AKAP13: variants seen among roughly 807,000 people sequenced by gnomAD.
AKAP13 encodes the protein A-kinase anchoring protein 13.
AKAP13 carries 80 observed loss-of-function variants against 264.5 expected under a neutral mutation model. That is an observed-to-expected ratio of 0.30 (90% CI 0.25 to 0.36). The LOEUF (loss-of-function observed/expected upper bound fraction) is 0.36. Ranked by LOEUF, AKAP13 falls within the 10% of genes least tolerant of loss-of-function variation. The pLI is 1.00. For missense variants in AKAP13, 3,712 were observed against 3,435.2 expected (o/e 1.08, Z -2.01); for synonymous variants, 1,380 against 1,250.2 (o/e 1.10, Z -2.19).
intron 2 of AKAP13, among the ~76,000 whole-genome samples, chr15:85,487,498 G>A (rs914674024): frequency 1.3e-5 from 2 of 152,134 alleles, no homozygotes; most frequent in Admixed American, 6.5e-5. Context: ...TGATCTTTCT[G>A]TGTTGAGATG....
intron 2 of AKAP13, among the ~76,000 whole-genome samples, chr15:85,520,857 G>A (rs2076797552): frequency 6.6e-6 from 1 of 152,236 alleles, no homozygotes; most frequent in Non-Finnish European, 1.5e-5. Flanking sequence ...CACAAACTTG[G>A]ATGTTGTAGC....
intron 1 of AKAP13, among the ~76,000 whole-genome samples, chr15:85,398,660 A>G (rs1218108698): frequency 3.3e-5 from 5 of 151,370 alleles, no homozygotes; most frequent in Non-Finnish European, 5.9e-5. Flanking sequence ...GGTTCAAGCA[A>G]CTCTCCTGCC....
chr15:85,607,503 G>A (rs187642093), intron 8 of AKAP13, among the ~76,000 whole-genome samples: 1 of 151,256 alleles, frequency 6.6e-6, no homozygotes, highest in African/African-American at 2.4e-5. Context: ...TCCCCATTTT[G>A]TAGGTGAGAA....
At chr15:85,725,638 C>T (rs1399038127) in intron 26 of AKAP13, among the ~76,000 whole-genome samples, 1 of 152,132 alleles carries the variant, frequency 6.6e-6, no homozygotes, top group Non-Finnish European at 1.5e-5. Context: ...TCCATCCTTT[C>T]CCAGGGAATT....
chr15:85,467,457 CTG>C (rs2074786790), intron 1 of AKAP13, among the ~76,000 whole-genome samples: 1 of 152,234 alleles, frequency 6.6e-6, no homozygotes, highest in Non-Finnish European at 1.5e-5. Context: ...ATTTGTGTCT[CTG>C]TGAACATACA....
intron 9 of AKAP13, 51 bp from the exon 10 acceptor site, chr15:85,645,767 G>GTTTTTTTTTTTTTTTTTTTT: frequency 7.0e-7 from 1 of 1,427,192 alleles, no homozygotes; most frequent in Non-Finnish European, 9.1e-7. Context: ...TTGTTTTTTG[G>GTTTTTTTTTTTTTTTTTTTT]TTTTTTTGTT....
intron 1 of AKAP13, among the ~76,000 whole-genome samples, chr15:85,456,420 C>G (rs2074279727): frequency 6.6e-6 from 1 of 152,096 alleles, no homozygotes; most frequent in African/African-American, 2.4e-5. Context: ...TATGGGGACA[C>G]CCACTGCTCT....
chr15:85,615,535 G>C (rs926005568), intron 8 of AKAP13, among the ~76,000 whole-genome samples: 7 of 152,206 alleles, frequency 4.6e-5, no homozygotes, highest in Non-Finnish European at 7.3e-5. Context: ...AGTTGCTCAA[G>C]TGGAGGCTAA....
chr15:85,582,064 A>G lies in AKAP13; in HGVS notation c.3996A>G (p.Pro1332=), dbSNP rs747927666. 1.9e-6 allele frequency: 3 copies of G among 1,613,116 alleles called. No homozygotes were observed. The highest frequency in any genetic ancestry group is 1.1e-5 in the South Asian group (1 of 91,018). The part of the protein sequence containing the change: ...LAGCFAGREE[P]EKIILPVQGP... ...GATGTTTTGCTGGAAGGGAGGAGCC[A>G]GAGAAGATCATTTTACCTGTCCAGG... Residue 1332 remains proline (P), a synonymous_variant, in exon 7 of 37, where the codon CCA becomes CCG. Transcript: ENST00000394518.
intron 11 of AKAP13, among the ~76,000 whole-genome samples, chr15:85,657,539 C>G (rs1019606253): frequency 6.6e-6 from 1 of 152,162 alleles, no homozygotes; most frequent in African/African-American, 2.4e-5. Flanking sequence ...TCCAAGGTCT[C>G]TGGTCTCTTA....
intron 5 of AKAP13, among the ~76,000 whole-genome samples, chr15:85,567,398 G>A (rs944563283): frequency 6.6e-6 from 1 of 152,114 alleles, no homozygotes; most frequent in Non-Finnish European, 1.5e-5. Context: ...GAGCCACCAC[G>A]CCCAGCCACA....
At chr15:85,586,928 A>G (rs1359391082) in intron 8 of AKAP13, among the ~76,000 whole-genome samples, 15 of 77,882 alleles carry the variant, frequency 1.9e-4, no homozygotes, top group African/African-American at 7.6e-4. Flanking sequence ...ACACCTTCTC[A>G]AAAAAAAAAA....
At chr15:85,604,107 G>A (rs2080211038) in intron 8 of AKAP13, among the ~76,000 whole-genome samples, 1 of 152,072 alleles carries the variant, frequency 6.6e-6, no homozygotes, top group Admixed American at 6.5e-5. Context: ...GTTAAGTATT[G>A]CTTCAGCGAG....
intron 8 of AKAP13, among the ~76,000 whole-genome samples, chr15:85,623,277 A>G (rs1184257659): frequency 1.3e-5 from 2 of 152,184 alleles, no homozygotes; most frequent in Admixed American, 6.5e-5. Context: ...GGTTAAATGA[A>G]TTTATCTTTG....
At chr15:85,665,879 A>G (rs2083567768) in intron 13 of AKAP13, among the ~76,000 whole-genome samples, 1 of 152,170 alleles carries the variant, frequency 6.6e-6, no homozygotes, top group Admixed American at 6.5e-5. Context: ...TTATGGCTAC[A>G]TAGTATTCCA....
At chr15:85,533,954 TTCTATGG>T in intron 4 of AKAP13, 74 bp downstream of exon 4, 1 of 1,438,856 alleles carries the variant, frequency 6.9e-7, no homozygotes, top group East Asian at 2.3e-5. Flanking sequence ...GGGGCTACTT[TTCTATGG>T]TCATCATATT....
At chr15:85,572,426 A>C (rs1160514750) in intron 5 of AKAP13, among the ~76,000 whole-genome samples, 1 of 152,160 alleles carries the variant, frequency 6.6e-6, no homozygotes, top group African/African-American at 2.4e-5. Flanking sequence ...TGAACTGTCG[A>C]GAGTATTTTA....
At chr15:85,539,825 A>G (rs972423348) in intron 4 of AKAP13, among the ~76,000 whole-genome samples, 43 of 152,226 alleles carry the variant, frequency 2.8e-4, no homozygotes, top group African/African-American at 9.9e-4. Context: ...CATGGGGTCT[A>G]TGGAATAACA....
chr15:85,415,937 G>C (rs2072224751), intron 1 of AKAP13, among the ~76,000 whole-genome samples: 2 of 152,022 alleles, frequency 1.3e-5, no homozygotes, highest in African/African-American at 4.8e-5. Context: ...TGGTGGTTCA[G>C]TACGCATAAC....
Sources: gnomAD v4.1 joint callset for allele counts (sites outside exome capture counted in the v4.1 genomes callset) on GRCh38, gnomAD v4.1.1 for gene constraint, MANE v1.5 for transcripts, NCBI Gene and HGNC (gene_info 2026-07-23, HGNC 2026-07-21) for gene names.